PUS10: variants seen among roughly 807,000 people sequenced by gnomAD.
PUS10 encodes the protein pseudouridine synthase 10, also known as tRNA pseudouridine synthase Pus10.
Under a neutral mutation model 75.0 loss-of-function variants are expected in PUS10, and 59 were observed. The ratio of observed to expected loss-of-function variants is 0.79; its 90% CI spans 0.64 to 0.98. The LOEUF is 0.98. Ranked by LOEUF, PUS10 falls within the 50% of genes least tolerant of loss-of-function variation. The probability of loss-of-function intolerance (pLI) is 0.00; values close to 1 mark genes in which losing one functional copy is unlikely to be tolerated. For missense variants in PUS10, 650 were observed against 614.4 expected, an observed-to-expected ratio of 1.06 and a Z score of -0.61; for synonymous variants, 219 against 211.6, an observed-to-expected ratio of 1.03 and a Z score of -0.30.
intron 1 of PUS10, among the ~76,000 whole-genome samples, chr2:61,016,616 T>C (rs1314062684): frequency 6.6e-6 from 1 of 152,158 alleles, no homozygotes; most frequent in African/African-American, 2.4e-5. Context: ...CCGCCTTTCA[T>C]GTGTCAGGCT....
At chr2:60,985,252 G>C (rs1290679798) in intron 4 of PUS10, among the ~76,000 whole-genome samples, 1 of 151,910 alleles carries the variant, frequency 6.6e-6, no homozygotes, top group East Asian at 1.9e-4. Context: ...TATTTGCTTG[G>C]GTACTATTAG....
intron 5 of PUS10, 71 bp from the exon 6 acceptor site, chr2:60,967,684 C>A (rs1676426575): frequency 9.8e-7 from 1 of 1,021,960 alleles, no homozygotes; most frequent in South Asian, 1.4e-5. Flanking sequence ...AGAATTTATG[C>A]AATTATTTTT....
chr2:60,971,510 C>T lies in PUS10; in HGVS notation c.503+13G>A, dbSNP rs781475901. On this transcript the variant is annotated intron_variant, in intron 5 of 17. Transcript: ENST00000316752. ...TTGAATGGTAGTAAAAATTCCCTAC[C>T]TAAATTACTTACCCCATTTCCTGTT... 1.2e-6 allele frequency: 2 copies of T among 1,612,444 alleles called. No homozygotes were observed. Among genetic ancestry groups the T allele is most frequent in the South Asian group, 1.1e-5 (1 of 90,988 alleles).
At chr2:61,003,122 T>C (rs1678957840) in intron 4 of PUS10, among the ~76,000 whole-genome samples, 2 of 152,188 alleles carry the variant, frequency 1.3e-5, no homozygotes, top group African/African-American at 4.8e-5. Flanking sequence ...AATATAGACT[T>C]TTCTTTCTAA....
At chr2:61,010,734 T>C in intron 2 of PUS10, 1 of 1,540,060 alleles carries the variant, frequency 6.5e-7, no homozygotes, top group Non-Finnish European at 8.8e-7. Context: ...AAACTGAAGC[T>C]GGAAAGTGGT....
chr2:60,971,403 A>G (rs1239918033), intron 5 of PUS10, 120 bp downstream of exon 5: 1 of 889,714 alleles, frequency 1.1e-6, no homozygotes, highest in Non-Finnish European at 1.9e-6. Flanking sequence ...TCTTTGTGCT[A>G]ATTTCTCTAG....
intron 11 of PUS10, among the ~76,000 whole-genome samples, chr2:60,955,303 TTATATA>T (rs1039621896): frequency 6.6e-6 from 1 of 151,910 alleles, no homozygotes; most frequent in African/African-American, 2.4e-5. Context: ...ACTAAAAATG[TTATATA>T]TATAATTTAA....
chr2:60,943,778 G>A (rs75523473), intron 17 of PUS10, among the ~76,000 whole-genome samples: 36,519 of 151,552 alleles, frequency 0.24, 5,580 homozygotes, highest in Non-Finnish European at 0.35. Flanking sequence ...GTGTGTGTGT[G>A]TGTGTGTGTG....
chr2:60,992,013 T>C (rs1295225218), intron 4 of PUS10, among the ~76,000 whole-genome samples: 2 of 133,420 alleles, frequency 1.5e-5, no homozygotes, highest in African/African-American at 5.9e-5. Context: ...ACAGAAGCAC[T>C]TTTTTTTTTT....
chr2:60,945,045 C>T lies in PUS10; in HGVS notation c.1515G>A (p.Met505Ile), dbSNP rs1432759557. 2 of 1,613,954 alleles carry T rather than the reference C, an allele frequency of 1.2e-6. No individual in the cohort carries two copies. The highest frequency in any genetic ancestry group is 1.7e-6 in the Non-Finnish European group (2 of 1,179,918). ...GCTCCAGAATGTCTGCAGTCACATT[C>T]ATCAGGGACCCAATGTTTGGCTTGG... ...GRTKPNIGSLMNVTADILELD... is the reference protein window; with the variant it reads ...GRTKPNIGSLINVTADILELD... Residue 505 changes from methionine (M) to isoleucine (I), a missense_variant, in exon 17 of 18, where the codon ATG (methionine) becomes ATA (isoleucine). Met to Ile is a conservative substitution (Grantham distance 10, BLOSUM62 1). Transcript: ENST00000316752.
At position 61,018,231 on chromosome 2, in the gene PUS10, G is replaced by T. The variant is rs1227115427; in HGVS notation, c.-239C>A. 3.2e-6 allele frequency: 5 copies of T among 1,551,100 alleles called. No individual in the cohort carries two copies. Among genetic ancestry groups the T allele is most frequent in the South Asian group, 1.2e-5 (1 of 84,054 alleles). On this transcript the variant is annotated 5_prime_UTR_variant, in exon 1 of 18. Transcript: ENST00000316752. ...TTGAGAGCGGCATTTGTCCAGCCAC[G>T]GCATCGACAGGGAGCAAAGTCTCTC...
At chr2:60,952,045 A>G (rs1331098061) in intron 15 of PUS10, among the ~76,000 whole-genome samples, 1 of 152,166 alleles carries the variant, frequency 6.6e-6, no homozygotes, top group East Asian at 1.9e-4. Flanking sequence ...TTGAAAGTAA[A>G]CTATTTTTGG....
Position 60,961,645 on chromosome 2 carries a change from C to T in PUS10, c.789-97G>A, listed in dbSNP as rs149788032. 19 of 1,031,920 alleles carry T rather than the reference C, an allele frequency of 1.8e-5. No individual in the cohort carries two copies. In the East Asian group the frequency reaches 4.5e-4, roughly 25 times the overall value. 63.9% of individuals were successfully genotyped at this position (1,031,920 alleles called of 1,614,324 possible). Reference sequence around the variant, plus strand: ...CATTGTCTGAGACATACACAGAGCCCAAGTCTCTCTCTAACTTTTAGTTTC... The same window carrying T: ...CATTGTCTGAGACATACACAGAGCCTAAGTCTCTCTCTAACTTTTAGTTTC... On this transcript the variant is annotated intron_variant, in intron 9 of 17. Coordinates refer to ENST00000316752, the MANE Select transcript of PUS10 (RefSeq NM_144709.4).
intron 2 of PUS10, chr2:61,010,861 T>C (rs1679552582): frequency 7.7e-6 from 12 of 1,550,238 alleles, no homozygotes; most frequent in Non-Finnish European, 1.0e-5. Context: ...GCAGGTTGCT[T>C]AACCTCTCTG....
chr2:60,940,939 C>G lies in PUS10; in HGVS notation c.*1456G>C, dbSNP rs540343213. On this transcript the variant is annotated 3_prime_UTR_variant, in exon 18 of 18. Coordinates refer to ENST00000316752, the MANE Select transcript of PUS10 (RefSeq NM_144709.4). ...ACGTGGTATGAAACTATGTTGGTTC[C>G]AACGTGGCTGACTCCTTTGTGTCCA... The G allele has an allele frequency of 2.0e-5, 3 of 152,378 alleles. No homozygotes were observed. The highest frequency in any genetic ancestry group is 2.0e-4 in the Admixed American group (3 of 15,306). 9.4% of individuals were successfully genotyped at this position (152,378 alleles called of 1,614,324 possible).
intron 1 of PUS10, 127 bp from the exon 2 acceptor site, chr2:61,012,032 C>A (rs1051714614): frequency 3.7e-6 from 2 of 542,096 alleles, no homozygotes; most frequent in African/African-American, 2.0e-5. Context: ...CTAACCAAGC[C>A]CCTTTCATTA....
intron 11 of PUS10, among the ~76,000 whole-genome samples, chr2:60,956,185 C>A (rs1675640191): frequency 6.6e-6 from 1 of 152,042 alleles, no homozygotes. Flanking sequence ...ACCACTAAGT[C>A]CCAAAAAACT....
At chr2:60,985,708 C>T (rs868512296) in intron 4 of PUS10, among the ~76,000 whole-genome samples, 1 of 152,050 alleles carries the variant, frequency 6.6e-6, no homozygotes, top group Admixed American at 6.6e-5. Flanking sequence ...GCCATGTTGG[C>T]CAGGTTAGTC....
At chr2:61,012,285 T>C (rs1315437984) in intron 1 of PUS10, among the ~76,000 whole-genome samples, 1 of 152,188 alleles carries the variant, frequency 6.6e-6, no homozygotes, top group Non-Finnish European at 1.5e-5. Context: ...ACAAAGTTAA[T>C]TCATTAAACT....
Sources: allele counts gnomAD v4.1 joint callset (sites outside exome capture counted in the v4.1 genomes callset), GRCh38; gene constraint gnomAD v4.1.1; transcripts MANE v1.5; gene names NCBI Gene and HGNC (gene_info 2026-07-23, HGNC 2026-07-21).